Variants in TMEM131 observed in about 807,000 individuals in gnomAD.
TMEM131 encodes transmembrane protein 131, also known as 2610524E03Rik.
A neutral mutation model predicts 211.6 loss-of-function variants in TMEM131; 66 were observed. The observed-to-expected ratio is 0.31, with a 90% CI of 0.26 to 0.38. The LOEUF is 0.38. TMEM131 is among the 10% of genes least tolerant of loss of function. The pLI is 1.00. For synonymous variants in TMEM131, 844 were observed against 841.3 expected (o/e 1.00, Z -0.06); for missense variants, 2,036 against 2,299.3 (o/e 0.89, Z 2.34).
rs1254656423 is a variant in TMEM131, at chr2:97,888,086, G to A, written c.325C>T (p.Arg109Ter). ...AAATCCAGCATTGGTGGCTCAAATCGTATGGGCCTGCAATTCCCCCGGTAG... is the reference window on the plus strand; with the variant it reads ...AAATCCAGCATTGGTGGCTCAAATCATATGGGCCTGCAATTCCCCCGGTAG... ...SLYRGNCRPI[R>*]FEPPMLDFHE... Residue 109 changes from arginine (R) to a stop codon, truncating the protein, a stop_gained, in exon 4 of 41, where the codon CGA becomes TGA. Transcript: ENST00000186436. LOFTEE classifies it high-confidence loss of function. The A allele has an allele frequency of 1.2e-6, 2 of 1,613,448 alleles. No individual in the cohort carries two copies. The highest frequency in any genetic ancestry group is 2.2e-5 in the East Asian group (1 of 44,860).
chr2:97,794,884 G>T, intron 29 of TMEM131, 46 bp downstream of exon 29: 1 of 1,463,014 alleles, frequency 6.8e-7, no homozygotes, highest in Non-Finnish European at 9.3e-7. Flanking sequence ...TCGATCAACA[G>T]TGTTAAATGT....
intron 19 of TMEM131, 45 bp downstream of exon 19, chr2:97,809,643 G>T: frequency 7.0e-7 from 1 of 1,430,182 alleles, no homozygotes; most frequent in Non-Finnish European, 9.7e-7. Context: ...TAAAGGCAAA[G>T]GCAAAAAACG....
intron 2 of TMEM131, among the ~76,000 whole-genome samples, chr2:97,922,785 A>G (rs777379189): frequency 2.7e-4 from 41 of 152,178 alleles, no homozygotes; most frequent in Non-Finnish European, 5.4e-4. Flanking sequence ...GAAACTTTGG[A>G]GGGTAATGGC....
chr2:97,781,683 G>A (rs1014304202), intron 31 of TMEM131, among the ~76,000 whole-genome samples: 1 of 152,136 alleles, frequency 6.6e-6, no homozygotes, highest in Middle Eastern at 3.2e-3. Context: ...AAAACTCTAG[G>A]CAGTATACAA....
chr2:97,944,690 C>A (rs10432626), intron 1 of TMEM131, among the ~76,000 whole-genome samples: 50,671 of 151,920 alleles, frequency 0.33, 9,305 homozygotes, highest in Non-Finnish European at 0.39. Flanking sequence ...CATAAACGGA[C>A]AATAATACAT....
intron 5 of TMEM131, among the ~76,000 whole-genome samples, chr2:97,854,085 T>C (rs978164831): frequency 2.0e-5 from 3 of 152,142 alleles, no homozygotes; most frequent in African/African-American, 7.2e-5. Flanking sequence ...TCAATGAATG[T>C]GGCAAACTTT....
chr2:97,928,664 G>A (rs1026565283), intron 1 of TMEM131, among the ~76,000 whole-genome samples: 1 of 151,718 alleles, frequency 6.6e-6, no homozygotes, highest in Non-Finnish European at 1.5e-5. Context: ...CCATACACAC[G>A]CAATGTATTC....
Position 97,921,976 on chromosome 2 carries a change from A to G in TMEM131, c.249+5450T>C, listed in dbSNP as rs531723182. 2.0e-5 allele frequency among the ~76,000 whole-genome samples: 3 copies of G among 152,350 alleles called. No individual in the cohort carries two copies. The South Asian group carries it at 6.2e-4, about 32-fold the overall frequency. On this transcript the variant is annotated intron_variant, in intron 2 of 40. Coordinates refer to ENST00000186436, the MANE Select transcript of TMEM131 (RefSeq NM_015348.2). Reference sequence around the variant, plus strand: ...ACAACCACTTTGGAAAACTATATGCATTATCTATTAAAATGGAAGATACAC... The same window carrying G: ...ACAACCACTTTGGAAAACTATATGCGTTATCTATTAAAATGGAAGATACAC...
intron 5 of TMEM131, 34 bp from the exon 6 acceptor site, chr2:97,844,295 G>GA: frequency 3.9e-5 from 32 of 810,410 alleles, no homozygotes; most frequent in Middle Eastern, 4.0e-4. Flanking sequence ...TTTGTAACAA[G>GA]AAAAAAAATT....
intron 8 of TMEM131, among the ~76,000 whole-genome samples, chr2:97,836,073 G>A (rs1388874686): frequency 6.6e-6 from 1 of 152,178 alleles, no homozygotes; most frequent in East Asian, 1.9e-4. Flanking sequence ...TTTTATAGAT[G>A]ATTTTTCCCT....
chr2:97,960,812 T>TA (rs1448878955), intron 1 of TMEM131, among the ~76,000 whole-genome samples: 1 of 152,092 alleles, frequency 6.6e-6, no homozygotes, highest in East Asian at 1.9e-4. Flanking sequence ...CAGCAATATG[T>TA]AAAAATGAGT....
chr2:97,986,919 T>G (rs995069798), intron 1 of TMEM131, among the ~76,000 whole-genome samples: 1 of 152,242 alleles, frequency 6.6e-6, no homozygotes, highest in African/African-American at 2.4e-5. Flanking sequence ...ATAAATACAG[T>G]TAGGTTTCAC....
At chr2:97,953,838 T>G (rs1673098222) in intron 1 of TMEM131, among the ~76,000 whole-genome samples, 1 of 152,348 alleles carries the variant, frequency 6.6e-6, no homozygotes, top group South Asian at 2.1e-4. Context: ...CTTAAGTTCA[T>G]ATGATTTCCA....
At position 97,995,813 on chromosome 2, in the gene TMEM131, T is replaced by TGGGTCC. The variant is rs1680489041; in HGVS notation, c.-157_-152dup. ...GGGGCTCGATCTCCGAGCGTGGGCC[T>TGGGTCC]GGGTCCGTGCGTGCGTGTGAGCGAG... On this transcript the variant is annotated 5_prime_UTR_variant, in exon 1 of 41. Transcript: ENST00000186436. 1 of 372,036 alleles carries TGGGTCC rather than the reference T, an allele frequency of 2.7e-6. No homozygotes were observed. Among genetic ancestry groups the TGGGTCC allele is most frequent in the Middle Eastern group, 8.8e-4 (1 of 1,134 alleles). The allele number at this position is 372,036 out of a possible 1,614,324, so 23.0% of individuals were successfully genotyped here. A position where few individuals can be genotyped will look rare whatever the true frequency, so the allele number is the denominator to read the frequency against.
At chr2:97,871,104 T>A (rs1020046815) in intron 4 of TMEM131, among the ~76,000 whole-genome samples, 1 of 152,184 alleles carries the variant, frequency 6.6e-6, no homozygotes, top group Non-Finnish European at 1.5e-5. Flanking sequence ...ACTTTAACCT[T>A]CAGATCTGAA....
At chr2:97,892,979 T>C (rs889397296) in intron 3 of TMEM131, among the ~76,000 whole-genome samples, 1 of 152,150 alleles carries the variant, frequency 6.6e-6, no homozygotes, top group African/African-American at 2.4e-5. Context: ...ACATGTGCCA[T>C]GGTGGTTTGC....
At chr2:97,834,474 G>C in intron 10 of TMEM131, 147 bp downstream of exon 10, 1 of 684,694 alleles carries the variant, frequency 1.5e-6, no homozygotes, top group Non-Finnish European at 2.3e-6. Context: ...AAGGCGCTGA[G>C]TCTGAAAAGG....
Position 97,908,649 on chromosome 2 carries a change from T to G in TMEM131, c.290+9A>C. On this transcript the variant is annotated intron_variant, in intron 3 of 40. Coordinates refer to ENST00000186436, the MANE Select transcript of TMEM131 (RefSeq NM_015348.2). Reference sequence around the variant, plus strand: ...AAAGTATGTTAATTATCTTATTAAATATACTTACCTTTTCTGCTGATATGA... The same window carrying G: ...AAAGTATGTTAATTATCTTATTAAAGATACTTACCTTTTCTGCTGATATGA... 1 of 1,591,794 alleles carries G rather than the reference T, an allele frequency of 6.3e-7. No homozygotes were observed. Among genetic ancestry groups the G allele is most frequent in the Non-Finnish European group, 8.6e-7 (1 of 1,162,386 alleles).
chr2:97,820,121 T>A (rs1480879597), intron 11 of TMEM131, among the ~76,000 whole-genome samples: 1 of 152,242 alleles, frequency 6.6e-6, no homozygotes, highest in East Asian at 1.9e-4. Context: ...TAAGGATGGT[T>A]CTGTGGACCT....
Sources: allele counts gnomAD v4.1 joint callset (sites outside exome capture counted in the v4.1 genomes callset), GRCh38; gene constraint gnomAD v4.1.1; transcripts MANE v1.5; gene names NCBI Gene and HGNC (gene_info 2026-07-23, HGNC 2026-07-21).